The following PSD3 variants were observed in gnomAD, a reference collection of about 807,000 sequenced individuals.
PSD3 encodes PH and SEC7 domain-containing protein 3.
Under a neutral mutation model 105.5 loss-of-function variants are expected in PSD3, and 49 were observed. The ratio of observed to expected loss-of-function variants is 0.46; its 90% CI spans 0.37 to 0.59. The LOEUF is 0.59. Ranked by LOEUF, PSD3 falls within the 20% of genes least tolerant of loss-of-function variation. The pLI is 0.00. For synonymous variants in PSD3, 557 were observed against 457.8 expected (o/e 1.22, Z -2.77); for missense variants, 1,561 against 1,263.8 (o/e 1.24, Z -3.57).
In PSD3 at chr8:18,792,632, T is replaced by G. The variant is rs547182521; in HGVS notation, c.2082+6663A>C. 3.8e-4 allele frequency among the ~76,000 whole-genome samples: 58 copies of G among 152,208 alleles called. 1 individual carries two copies. The South Asian group carries it at 0.012, about 31-fold the overall frequency. ...ATGAATGCCAGGCTTAATACCTGGG[T>G]GATGGGCCAGTTAGAATGGTGATCA... On this transcript the variant is annotated intron_variant, in intron 8 of 15. Coordinates refer to ENST00000327040, the MANE Select transcript of PSD3 (RefSeq NM_015310.4).
intron 1 of PSD3, among the ~76,000 whole-genome samples, chr8:18,984,740 T>C (rs1049286714): frequency 6.6e-6 from 1 of 152,208 alleles, no homozygotes; most frequent in Non-Finnish European, 1.5e-5. Flanking sequence ...ATATTCACTA[T>C]TATCCCATAA....
At chr8:19,072,304 C>G (rs1408763554) in intron 1 of PSD3, among the ~76,000 whole-genome samples, 1 of 149,376 alleles carries the variant, frequency 6.7e-6, no homozygotes, top group Non-Finnish European at 1.5e-5. Flanking sequence ...TCAGGCTGGT[C>G]TCGAACTCCT....
intron 8 of PSD3, among the ~76,000 whole-genome samples, chr8:18,792,690 G>C (rs972051929): frequency 6.6e-6 from 1 of 152,124 alleles, no homozygotes; most frequent in Non-Finnish European, 1.5e-5. Flanking sequence ...GTGCTGGAGA[G>C]GATGTGGAGA....
intron 9 of PSD3, among the ~76,000 whole-genome samples, chr8:18,736,173 T>C (rs1211078307): frequency 6.6e-6 from 1 of 152,174 alleles, no homozygotes; most frequent in African/African-American, 2.4e-5. Context: ...AACCTCCAAC[T>C]TCCATACTTA....
At chr8:18,728,778 A>G (rs1052656674) in intron 9 of PSD3, among the ~76,000 whole-genome samples, 33 of 152,212 alleles carry the variant, frequency 2.2e-4, no homozygotes, top group Non-Finnish European at 3.8e-4. Context: ...CATGTTGTAC[A>G]TGACAAATAT....
intron 9 of PSD3, among the ~76,000 whole-genome samples, chr8:18,674,997 T>C (rs1329588273): frequency 6.6e-6 from 1 of 151,808 alleles, no homozygotes; most frequent in African/African-American, 2.4e-5. Context: ...TGAGACCCTG[T>C]CTCCAATTTA....
chr8:18,663,675 G>A (rs1809518540), intron 9 of PSD3, among the ~76,000 whole-genome samples: 1 of 152,156 alleles, frequency 6.6e-6, no homozygotes, highest in Non-Finnish European at 1.5e-5. Context: ...AACTATGCTA[G>A]TATGAATAAC....
chr8:18,918,304 A>T (rs552729762), intron 2 of PSD3, among the ~76,000 whole-genome samples: 1 of 152,064 alleles, frequency 6.6e-6, no homozygotes, highest in Non-Finnish European at 1.5e-5. Context: ...TATCTTCAAA[A>T]ACTCTGCTCA....
intron 2 of PSD3, among the ~76,000 whole-genome samples, chr8:18,875,605 C>T (rs1350908225): frequency 2.0e-5 from 3 of 151,726 alleles, no homozygotes; most frequent in African/African-American, 4.8e-5. Flanking sequence ...GGCGCGATCT[C>T]GGCTCACTGC....
In PSD3 at chr8:18,911,349, G is replaced by A. The variant is rs1413445794; in HGVS notation, c.130+24685C>T. On this transcript the variant is annotated intron_variant, in intron 2 of 15. Transcript: ENST00000327040. ...TACTTTCAAGGAAAGTTAGCACACTGTCACTTGGGAGCCAGTGGCACTTCA... is the reference window on the plus strand; with the variant it reads ...TACTTTCAAGGAAAGTTAGCACACTATCACTTGGGAGCCAGTGGCACTTCA... 2.0e-5 allele frequency among the ~76,000 whole-genome samples: 3 copies of A among 152,204 alleles called. No individual in the cohort carries two copies. In the East Asian group the frequency reaches 5.8e-4, roughly 29 times the overall value.
Position 18,817,436 on chromosome 8 carries a change from G to C in PSD3, c.1635-12538C>G, listed in dbSNP as rs184968186. Reference sequence around the variant, plus strand: ...TACTCTCCCCAGCACTGTGCCCCGAGGGCTAGTCTGTGATTTTTCTAAGGC... The same window carrying C: ...TACTCTCCCCAGCACTGTGCCCCGACGGCTAGTCTGTGATTTTTCTAAGGC... On this transcript the variant is annotated intron_variant, in intron 4 of 15. Transcript: ENST00000327040. Among the ~76,000 whole-genome samples, 51 of 152,232 alleles carry C rather than the reference G, an allele frequency of 3.4e-4. 1 individual carries two copies. Among genetic ancestry groups the C allele is most frequent in the African/African-American group, 1.2e-3 (50 of 41,532 alleles).
At chr8:18,596,511 A>T (rs1187286987) in intron 12 of PSD3, among the ~76,000 whole-genome samples, 1 of 152,024 alleles carries the variant, frequency 6.6e-6, no homozygotes, top group Non-Finnish European at 1.5e-5. Flanking sequence ...CAGAAATAAA[A>T]GAAATAGAGA....
chr8:18,763,765 T>C (rs968260182), intron 9 of PSD3, among the ~76,000 whole-genome samples: 4 of 152,250 alleles, frequency 2.6e-5, no homozygotes, highest in Admixed American at 6.5e-5. Flanking sequence ...CCTACTGAAA[T>C]GGAAAACTAT....
chr8:18,805,589 T>C lies in PSD3; in HGVS notation c.1635-691A>G, dbSNP rs1483842493. 2.5e-4 allele frequency among the ~76,000 whole-genome samples: 38 copies of C among 152,228 alleles called. 1 individual carries two copies. The highest frequency in any genetic ancestry group is 2.5e-3 in the Admixed American group (38 of 15,284). ...ATATGGAATCTAAATTTGTGTCGAT[T>C]AACTTTTTGTACTCTTATATTAAAA... On this transcript the variant is annotated intron_variant, in intron 4 of 15. Transcript: ENST00000327040.
chr8:18,968,992 A>T (rs1824463992), intron 1 of PSD3, among the ~76,000 whole-genome samples: 1 of 152,188 alleles, frequency 6.6e-6, no homozygotes, highest in Non-Finnish European at 1.5e-5. Context: ...CAAAGAAAAA[A>T]GATTTAGTAG....
intron 1 of PSD3, among the ~76,000 whole-genome samples, chr8:18,946,500 G>A (rs1337899396): frequency 6.6e-6 from 1 of 152,148 alleles, no homozygotes; most frequent in African/African-American, 2.4e-5. Flanking sequence ...AGAATCACTT[G>A]AGTCCAGAAG....
rs986101836 is a variant in PSD3, at chr8:18,532,403, C to G, written c.*3340G>C. 1.3e-5 allele frequency: 2 copies of G among 152,192 alleles called. No individual in the cohort carries two copies. Among genetic ancestry groups the G allele is most frequent in the East Asian group, 1.9e-4 (1 of 5,188 alleles). 9.4% of individuals were successfully genotyped at this position (152,192 alleles called of 1,614,324 possible). ...TCCTCATGTCACTTTTGCCCAGGGG[C>G]CAGTCCTCATTTTCTAGATTAGGAT... On this transcript the variant is annotated 3_prime_UTR_variant, in exon 16 of 16. Transcript: ENST00000327040.
rs775130402 is a variant in PSD3 at position 18,803,794 on chromosome 8, AG to A, written c.1910+727del. 2.5e-3 allele frequency among the ~76,000 whole-genome samples: 384 copies of A among 151,758 alleles called. 1 individual carries two copies. Among genetic ancestry groups the A allele is most frequent in the Non-Finnish European group, 4.8e-3 (326 of 67,894 alleles). ...GGGAAAGGAGGGGAAGGAAAAAAAA[AG>A]TCATTGTTTAACGAGTATGGAGCTT... On this transcript the variant is annotated intron_variant, in intron 6 of 15. Coordinates refer to ENST00000327040, the MANE Select transcript of PSD3 (RefSeq NM_015310.4).
At chr8:18,634,644 CTT>C (rs1285051038) in intron 10 of PSD3, among the ~76,000 whole-genome samples, 1 of 152,090 alleles carries the variant, frequency 6.6e-6, no homozygotes, top group Non-Finnish European at 1.5e-5. Flanking sequence ...GACCTTGACA[CTT>C]TGAACAGTAT....
Sources: allele counts gnomAD v4.1 joint callset (sites outside exome capture counted in the v4.1 genomes callset), GRCh38; gene constraint gnomAD v4.1.1; transcripts MANE v1.5; gene names NCBI Gene and HGNC (gene_info 2026-07-23, HGNC 2026-07-21).